Variants in ZC3H12B observed in about 807,000 individuals in gnomAD.
The protein encoded by ZC3H12B is probable ribonuclease ZC3H12B.
In ZC3H12B, 7 loss-of-function variants were observed where a neutral mutation model predicts 43.9. The ratio of observed to expected loss-of-function variants is 0.16; its 90% CI spans 0.09 to 0.30. ZC3H12B has a LOEUF of 0.30. Among genes scored for constraint, ZC3H12B ranks in the 10% least tolerant of loss-of-function variants. The pLI, the probability that ZC3H12B is intolerant of heterozygous loss-of-function variation, is 1.00. For missense variants in ZC3H12B, 475 were observed against 670.2 expected (o/e 0.71, Z 3.22); for synonymous variants, 222 against 241.7 (o/e 0.92, Z 0.76).
At chrX:65,253,725 C>T in the ZC3H12B span, among the ~76,000 whole-genome samples, 1 of 111,713 alleles carries the variant, frequency 9.0e-6, no homozygotes, top group Non-Finnish European at 1.9e-5. Flanking sequence ...GCCAAGGGCC[C>T]GCATCATAGC....
intron 3 of ZC3H12B, among the ~76,000 whole-genome samples, chrX:65,414,684 C>G (rs1022901736): frequency 9.0e-6 from 1 of 110,943 alleles, no homozygotes; most frequent in South Asian, 3.9e-4. Context: ...CTTCAGAGAC[C>G]CAGCAGAGTT....
the ZC3H12B span, among the ~76,000 whole-genome samples, chrX:65,169,580 G>A: frequency 9.0e-6 from 1 of 111,540 alleles, no homozygotes; most frequent in Non-Finnish European, 1.9e-5. Context: ...TTCAATTCCT[G>A]GATATCCTTT....
the ZC3H12B span, among the ~76,000 whole-genome samples, chrX:65,296,175 G>A: frequency 8.9e-6 from 1 of 111,774 alleles, no homozygotes; most frequent in Non-Finnish European, 1.9e-5. Context: ...ATACTACTCA[G>A]GCATAAAAAT....
chrX:65,082,607 C>T, the ZC3H12B span, among the ~76,000 whole-genome samples: 173 of 110,747 alleles, frequency 1.6e-3, 2 homozygotes, highest in African/African-American at 5.6e-3. Flanking sequence ...GTAATGAGAT[C>T]GAAGCTGTAA....
chrX:65,350,111 C>G, the ZC3H12B span, among the ~76,000 whole-genome samples: 3 of 111,298 alleles, frequency 2.7e-5, no homozygotes, highest in Non-Finnish European at 5.6e-5. Flanking sequence ...ATCCTCAATA[C>G]AATACTGGCA....
At chrX:65,295,945 G>T in the ZC3H12B span, among the ~76,000 whole-genome samples, 2 of 111,394 alleles carry the variant, frequency 1.8e-5, no homozygotes, top group East Asian at 2.8e-4. Flanking sequence ...TCCAGAAAGG[G>T]TGTGGAGATC....
chrX:65,101,528 A>C, the ZC3H12B span, among the ~76,000 whole-genome samples: 1 of 111,979 alleles, frequency 8.9e-6, no homozygotes. Flanking sequence ...GAGAAGAATC[A>C]AATAGACACA....
the ZC3H12B span, among the ~76,000 whole-genome samples, chrX:65,111,707 A>T: frequency 9.1e-6 from 1 of 110,033 alleles, no homozygotes; most frequent in Non-Finnish European, 1.9e-5. Context: ...GTGATTTGTG[A>T]TCAGTTATCT....
the ZC3H12B span, among the ~76,000 whole-genome samples, chrX:65,348,429 T>A: frequency 2.7e-5 from 3 of 110,425 alleles, no homozygotes; most frequent in Non-Finnish European, 3.8e-5. Context: ...GTGAAAACAT[T>A]GACACTATGA....
chrX:65,220,506 G>T, the ZC3H12B span, among the ~76,000 whole-genome samples: 1 of 111,917 alleles, frequency 8.9e-6, no homozygotes, highest in Non-Finnish European at 1.9e-5. Context: ...AGGTGGAAAA[G>T]ATATTTTATG....
At chrX:65,471,449 T>TTG (rs1379404129) in intron 3 of ZC3H12B, among the ~76,000 whole-genome samples, 1 of 84,436 alleles carries the variant, frequency 1.2e-5, no homozygotes, top group Non-Finnish European at 2.1e-5. Context: ...TTTGTGATTT[T>TTG]TTTTTTTTTT....
the ZC3H12B span, among the ~76,000 whole-genome samples, chrX:65,259,470 C>A: frequency 2.7e-5 from 3 of 111,668 alleles, no homozygotes; most frequent in East Asian, 8.4e-4. Flanking sequence ...TGGGAGATAA[C>A]CTAGGGAATA....
chrX:65,251,634 C>A, the ZC3H12B span, among the ~76,000 whole-genome samples: 1 of 111,473 alleles, frequency 9.0e-6, no homozygotes, highest in African/African-American at 3.3e-5. Context: ...GTTTATAGTT[C>A]TCCTTGAAAA....
chrX:65,152,495 GA>G, the ZC3H12B span, among the ~76,000 whole-genome samples: 1 of 111,188 alleles, frequency 9.0e-6, no homozygotes, highest in African/African-American at 3.3e-5. Context: ...TCTCTTTGAA[GA>G]GAATAAAATA....
the ZC3H12B span, among the ~76,000 whole-genome samples, chrX:65,284,766 A>G: frequency 1.8e-5 from 2 of 111,674 alleles, no homozygotes; most frequent in African/African-American, 6.5e-5. Context: ...CATCTCAAAA[A>G]AAAAAAGAAA....
chrX:65,384,191 A>C (rs1022382425), intron 2 of ZC3H12B, among the ~76,000 whole-genome samples: 31 of 102,461 alleles, frequency 3.0e-4, no homozygotes, highest in African/African-American at 9.6e-4. Flanking sequence ...ATGCAGCCAT[A>C]AAAAATGATG....
the ZC3H12B span, among the ~76,000 whole-genome samples, chrX:65,265,229 G>A: frequency 8.9e-6 from 1 of 112,086 alleles, no homozygotes; most frequent in Admixed American, 9.5e-5. Context: ...AAGAATAAAA[G>A]TAGGCAGGTA....
At chrX:65,146,154 G>A in the ZC3H12B span, among the ~76,000 whole-genome samples, 4 of 110,557 alleles carry the variant, frequency 3.6e-5, no homozygotes, top group East Asian at 2.8e-4. Context: ...TAATCCCAGG[G>A]TTTTGGGGGT....
chrX:65,170,131 A>G, the ZC3H12B span, among the ~76,000 whole-genome samples: 2 of 111,827 alleles, frequency 1.8e-5, no homozygotes, highest in East Asian at 2.8e-4. Flanking sequence ...CCTAGCACCA[A>G]TGATCTTTAC....
Sources: gnomAD v4.1 joint callset for allele counts (sites outside exome capture counted in the v4.1 genomes callset) on GRCh38, gnomAD v4.1.1 for gene constraint, MANE v1.5 for transcripts, NCBI Gene and HGNC (gene_info 2026-07-23, HGNC 2026-07-21) for gene names.